The following PACRG variants were observed in gnomAD, a reference collection of about 807,000 sequenced individuals.
PACRG encodes parkin coregulated.
In PACRG, 29 loss-of-function variants were observed where a neutral mutation model predicts 29.7. The observed-to-expected ratio is 0.98, with a 90% CI of 0.73 to 1.33. The LOEUF (loss-of-function observed/expected upper bound fraction) is 1.33. PACRG is among the 40% of genes most tolerant of loss of function. PACRG has a pLI of 0.00. For missense variants in PACRG, 279 were observed against 316.2 expected (o/e 0.88, Z 0.89); for synonymous variants, 116 against 118.7 (o/e 0.98, Z 0.15).
chr6:163,237,106 T>C (rs1782274057), intron 4 of PACRG, among the ~76,000 whole-genome samples: 2 of 152,162 alleles, frequency 1.3e-5, no homozygotes, highest in Admixed American at 6.5e-5. Context: ...AACTATATCA[T>C]TGATGGTTTG....
intron 1 of PACRG, among the ~76,000 whole-genome samples, chr6:162,795,532 G>A (rs1318084034): frequency 6.6e-6 from 1 of 151,838 alleles, no homozygotes; most frequent in African/African-American, 2.4e-5. Context: ...TGTTATACCT[G>A]TACACACTGA....
intron 2 of PACRG, among the ~76,000 whole-genome samples, chr6:162,987,602 C>T (rs190369888): frequency 1.3e-5 from 2 of 152,274 alleles, no homozygotes; most frequent in East Asian, 1.9e-4. Flanking sequence ...AGCCTTTGCT[C>T]CTCCTTCACC....
chr6:163,183,832 A>G (rs1391461438), intron 4 of PACRG, among the ~76,000 whole-genome samples: 1 of 152,250 alleles, frequency 6.6e-6, no homozygotes, highest in African/African-American at 2.4e-5. Flanking sequence ...ACGAAACTGT[A>G]GGTTTTTTAC....
rs567274643 is a variant in PACRG at position 163,264,559 on chromosome 6, G to A, written c.614-50268G>A. 5.7e-4 allele frequency among the ~76,000 whole-genome samples: 87 copies of A among 152,314 alleles called. 2 individuals carry two copies. In the South Asian group the frequency reaches 0.011, roughly 20 times the overall value. On this transcript the variant is annotated intron_variant, in intron 4 of 4. Transcript: ENST00000366888. ...GAGCGGTCACAGGTGTGGTTGAGAA[G>A]AGCCGCCCAGAAACAAGATCTGGGC...
intron 1 of PACRG, among the ~76,000 whole-genome samples, chr6:162,761,917 C>T (rs868291867): frequency 1.5e-5 from 2 of 132,236 alleles, no homozygotes; most frequent in Non-Finnish European, 3.1e-5. Context: ...AGCCTGGTGA[C>T]ACAGCGAGAC....
intron 2 of PACRG, among the ~76,000 whole-genome samples, chr6:162,951,686 G>C (rs919621928): frequency 6.6e-6 from 1 of 152,162 alleles, no homozygotes; most frequent in Non-Finnish European, 1.5e-5. Context: ...TCAGCTGGGG[G>C]CATACTTTAA....
At chr6:163,241,126 G>C (rs560872927) in intron 4 of PACRG, among the ~76,000 whole-genome samples, 1 of 152,214 alleles carries the variant, frequency 6.6e-6, no homozygotes, top group South Asian at 2.1e-4. Flanking sequence ...CCTAGTGAAA[G>C]ATAAGATTTT....
At chr6:163,151,244 T>G (rs925571952) in intron 4 of PACRG, among the ~76,000 whole-genome samples, 3 of 152,206 alleles carry the variant, frequency 2.0e-5, no homozygotes, top group Admixed American at 2.0e-4. Flanking sequence ...GGCCCGGATC[T>G]TGGTTTTTGT....
chr6:163,032,462 A>G (rs141477790), intron 2 of PACRG, among the ~76,000 whole-genome samples: 145 of 152,304 alleles, frequency 9.5e-4, no homozygotes, highest in Admixed American at 2.1e-3. Context: ...AAATAAGACA[A>G]TTGTTTGTGG....
At chr6:162,811,192 A>G (rs2128356807) in intron 1 of PACRG, among the ~76,000 whole-genome samples, 1 of 152,310 alleles carries the variant, frequency 6.6e-6, no homozygotes, top group Admixed American at 6.5e-5. Context: ...ATCCAGTTAA[A>G]ATGTAGTTTT....
At chr6:163,052,691 T>C (rs1810144303) in intron 2 of PACRG, among the ~76,000 whole-genome samples, 3 of 152,224 alleles carry the variant, frequency 2.0e-5, no homozygotes, top group Non-Finnish European at 2.9e-5. Context: ...ATTTATAAAT[T>C]ACCCAGCCTC....
rs142021626 is a variant in PACRG, at chr6:162,967,633, A to T, written c.292-94517A>T. Among the ~76,000 whole-genome samples the T allele has an allele frequency of 5.6e-3, 856 of 151,932 alleles. 12 individuals carry two copies. The highest frequency in any genetic ancestry group is 0.02 in the African/African-American group (819 of 41,422). On this transcript the variant is annotated intron_variant, in intron 2 of 4. Transcript: ENST00000366888. The stretch of plus-strand genomic sequence containing the variant: ...GCCATTCTCCTGCCTCAGCCTCCCA[A>T]GTAGCTGGGACTACAGGCGCCTGCC...
intron 1 of PACRG, among the ~76,000 whole-genome samples, chr6:162,760,128 G>A (rs1048492157): frequency 2.0e-5 from 3 of 152,192 alleles, no homozygotes; most frequent in Non-Finnish European, 4.4e-5. Context: ...GTCGGCTACT[G>A]ATCTGACTAC....
chr6:162,851,483 A>G (rs1790856340), intron 2 of PACRG, among the ~76,000 whole-genome samples: 1 of 152,248 alleles, frequency 6.6e-6, no homozygotes, highest in Admixed American at 6.5e-5. Context: ...GTTGCAAGCA[A>G]TGTAATTTCT....
intron 4 of PACRG, among the ~76,000 whole-genome samples, chr6:163,302,385 G>A (rs544685912): frequency 8.9e-4 from 136 of 152,202 alleles, no homozygotes; most frequent in Non-Finnish European, 1.6e-3. Context: ...GGGGCAAAGT[G>A]GATGTCTCTT....
chr6:163,301,386 G>T (rs1408952459), intron 4 of PACRG, among the ~76,000 whole-genome samples: 1 of 152,222 alleles, frequency 6.6e-6, no homozygotes, highest in African/African-American at 2.4e-5. Context: ...ACGATTAAGT[G>T]TAAGCTTAAG....
At chr6:163,281,022 G>T (rs1326837681) in intron 4 of PACRG, among the ~76,000 whole-genome samples, 1 of 152,144 alleles carries the variant, frequency 6.6e-6, no homozygotes, top group Non-Finnish European at 1.5e-5. Flanking sequence ...ATTATGAAAA[G>T]GGTATCATTT....
intron 2 of PACRG, among the ~76,000 whole-genome samples, chr6:162,931,521 T>G (rs1797851727): frequency 6.6e-6 from 1 of 151,968 alleles, no homozygotes; most frequent in South Asian, 2.1e-4. Flanking sequence ...ATGGATCAAT[T>G]TTTGCAGTTG....
intron 4 of PACRG, among the ~76,000 whole-genome samples, chr6:163,217,329 G>T (rs1397132853): frequency 1.3e-5 from 2 of 152,226 alleles, no homozygotes; most frequent in Non-Finnish European, 2.9e-5. Context: ...CAGAGCAGGT[G>T]ATAGGCAGGT....
Sources: gnomAD v4.1 joint callset for allele counts (sites outside exome capture counted in the v4.1 genomes callset) on GRCh38, gnomAD v4.1.1 for gene constraint, MANE v1.5 for transcripts, NCBI Gene and HGNC (gene_info 2026-07-23, HGNC 2026-07-21) for gene names.